Variants in SNRPD1 observed in about 807,000 individuals in gnomAD.
SNRPD1 encodes the protein small nuclear ribonucleoprotein Sm D1.
SNRPD1 carries 1 observed loss-of-function variant against 14.4 expected under a neutral mutation model. That is an observed-to-expected ratio of 0.07 (90% CI 0.02 to 0.33). The LOEUF (loss-of-function observed/expected upper bound fraction) is 0.33. SNRPD1 is among the 10% of genes least tolerant of loss of function. SNRPD1 has a pLI of 1.00. For missense variants in SNRPD1, 52 were observed against 146.4 expected, an observed-to-expected ratio of 0.36 and a Z score of 3.33; for synonymous variants, 42 against 50.3, an observed-to-expected ratio of 0.83 and a Z score of 0.70.
At position 21,632,240 on chromosome 18, in the gene SNRPD1, C is replaced by CA. The variant is rs2039089696; in HGVS notation, c.*3103dup. 6.6e-6 allele frequency: 1 copy of CA among 152,040 alleles called. No individual in the cohort carries two copies. The highest frequency in any genetic ancestry group is 2.1e-4 in the South Asian group (1 of 4,828). 9.4% of individuals were successfully genotyped at this position (152,040 alleles called of 1,614,324 possible). On this transcript the variant is annotated 3_prime_UTR_variant, in exon 4 of 4. Transcript: ENST00000300413. Reference sequence around the variant, plus strand: ...CTTTGGGAGGCCGAGATGGGCGAATCACTTGAGGTCAGGAGTTCGAGACCA... The same window carrying CA: ...CTTTGGGAGGCCGAGATGGGCGAATCAACTTGAGGTCAGGAGTTCGAGACCA...
intron 1 of SNRPD1, among the ~76,000 whole-genome samples, chr18:21,617,460 A>G (rs1047468506): frequency 2.0e-5 from 3 of 152,172 alleles, no homozygotes; most frequent in Non-Finnish European, 2.9e-5. Flanking sequence ...TTTAACTTGT[A>G]TATGTACTGC....
intron 1 of SNRPD1, among the ~76,000 whole-genome samples, chr18:21,613,745 C>G (rs796316813): frequency 2.7e-5 from 4 of 149,838 alleles, no homozygotes; most frequent in African/African-American, 9.8e-5. Flanking sequence ...ATCCCAGCTA[C>G]TCAGGAGGCT....
intron 1 of SNRPD1, among the ~76,000 whole-genome samples, chr18:21,616,622 C>T (rs1220582757): frequency 6.6e-6 from 1 of 151,834 alleles, no homozygotes; most frequent in Non-Finnish European, 1.5e-5. Flanking sequence ...TCCCAAAGTA[C>T]TGGGATTACA....
chr18:21,626,084 A>G (rs1598494250), intron 3 of SNRPD1, among the ~76,000 whole-genome samples: 1 of 152,154 alleles, frequency 6.6e-6, no homozygotes, highest in African/African-American at 2.4e-5. Flanking sequence ...CACATTTAAA[A>G]TAGTACGGTT....
At chr18:21,628,982 T>C (rs529100036) in intron 3 of SNRPD1, 80 bp from the exon 4 acceptor site, 5 of 984,756 alleles carry the variant, frequency 5.1e-6, no homozygotes, top group Admixed American at 3.4e-5. Context: ...GAAAGGTGTG[T>C]GTGTAAATGT....
rs1598496385 is a variant in SNRPD1, at chr18:21,632,245, G to A, written c.*3107G>A. ...GGAGGCCGAGATGGGCGAATCACTT[G>A]AGGTCAGGAGTTCGAGACCAGCCTG... is the stretch of plus-strand genomic sequence containing the variant. On this transcript the variant is annotated 3_prime_UTR_variant, in exon 4 of 4. Transcript: ENST00000300413. 6.6e-6 allele frequency: 1 copy of A among 152,094 alleles called. No homozygotes were observed. The allele number at this position is 152,094 out of a possible 1,614,324, so 9.4% of individuals were successfully genotyped here. A position where few individuals can be genotyped will look rare whatever the true frequency, so the allele number is the denominator to read the frequency against.
At chr18:21,612,782 A>G (rs565647595) in intron 1 of SNRPD1, among the ~76,000 whole-genome samples, 2 of 152,398 alleles carry the variant, frequency 1.3e-5, no homozygotes, top group Admixed American at 6.5e-5. Flanking sequence ...CCTGCTTAAC[A>G]GTACTTAGAA....
chr18:21,617,209 C>A (rs2038964132), intron 1 of SNRPD1, among the ~76,000 whole-genome samples: 1 of 151,926 alleles, frequency 6.6e-6, no homozygotes, highest in South Asian at 2.1e-4. Flanking sequence ...AATCCCAGCA[C>A]TTTTCGGAAT....
rs2039067083 is a variant in SNRPD1 at position 21,629,773 on chromosome 18, C to CT, written c.*637dup. On this transcript the variant is annotated 3_prime_UTR_variant, in exon 4 of 4. Transcript: ENST00000300413. ...ATATGTAAAGAGACTTTAGGCTAAACTTAACAATATATATAGGATATATAC... is the reference window on the plus strand; with the variant it reads ...ATATGTAAAGAGACTTTAGGCTAAACTTTAACAATATATATAGGATATATAC... The CT allele has an allele frequency of 6.6e-6, 1 of 152,386 alleles. No homozygotes were observed. Among genetic ancestry groups the CT allele is most frequent in the African/African-American group, 2.4e-5 (1 of 41,464 alleles). 9.4% of individuals were successfully genotyped at this position (152,386 alleles called of 1,614,324 possible).
Position 21,630,065 on chromosome 18 carries a change from G to A in SNRPD1, c.*927G>A, listed in dbSNP as rs1024716241. The A allele has an allele frequency of 3.9e-5, 6 of 152,024 alleles. No homozygotes were observed. Among genetic ancestry groups the A allele is most frequent in the Non-Finnish European group, 1.5e-5 (1 of 68,012 alleles). The allele number at this position is 152,024 out of a possible 1,614,324, so 9.4% of individuals were successfully genotyped here. On this transcript the variant is annotated 3_prime_UTR_variant, in exon 4 of 4. Coordinates refer to ENST00000300413, the MANE Select transcript of SNRPD1 (RefSeq NM_006938.4). The stretch of plus-strand genomic sequence containing the variant: ...TTTTGTTTCTTTTGCTTTTTAATCA[G>A]TTCTTAATAGGATATAGTTTTATGT...
At position 21,629,048 on chromosome 18, in the gene SNRPD1, T is replaced by C. The variant is rs200696765; in HGVS notation, c.284-14T>C. 6.2e-7 allele frequency: 1 copy of C among 1,612,618 alleles called. No homozygotes were observed. Among genetic ancestry groups the C allele is most frequent in the Non-Finnish European group, 8.5e-7 (1 of 1,178,628 alleles). On this transcript the variant is annotated splice_polypyrimidine_tract_variant and intron_variant, in intron 3 of 3. Coordinates refer to ENST00000300413, the MANE Select transcript of SNRPD1 (RefSeq NM_006938.4). ...GGAGAGAATTGAACTTGGTTTGTTTTTCTTTTCCTTCAGTTGCAGGAAGAG... is the reference window on the plus strand; with the variant it reads ...GGAGAGAATTGAACTTGGTTTGTTTCTCTTTTCCTTCAGTTGCAGGAAGAG...
intron 3 of SNRPD1, among the ~76,000 whole-genome samples, chr18:21,626,420 A>G (rs1023341494): frequency 6.6e-6 from 1 of 150,424 alleles, no homozygotes; most frequent in African/African-American, 2.4e-5. Flanking sequence ...AAAAAAGGAA[A>G]CTACAACAAA....
At chr18:21,617,825 A>G (rs780512246) in intron 1 of SNRPD1, among the ~76,000 whole-genome samples, 3 of 152,160 alleles carry the variant, frequency 2.0e-5, no homozygotes, top group Non-Finnish European at 4.4e-5. Flanking sequence ...CTAAAAATAC[A>G]AAAATTAGCT....
chr18:21,614,857 A>G (rs1203594717), intron 1 of SNRPD1, among the ~76,000 whole-genome samples: 1 of 152,220 alleles, frequency 6.6e-6, no homozygotes. Context: ...TCCTGGGCTC[A>G]GTTAGGGAGG....
intron 1 of SNRPD1, among the ~76,000 whole-genome samples, chr18:21,619,219 G>A (rs2038979603): frequency 6.6e-6 from 1 of 152,012 alleles, no homozygotes; most frequent in Non-Finnish European, 1.5e-5. Context: ...TCACTCTATT[G>A]TCCAGGCTGG....
At position 21,625,565 on chromosome 18, in the gene SNRPD1, C is replaced by T. The variant is rs113676660; in HGVS notation, c.283+1626C>T. ...CCCTGACCTCAAGTGATCCACCCGC[C>T]TCGGCCTTCCAAAGTGCTGGGATTA... On this transcript the variant is annotated intron_variant, in intron 3 of 3. Coordinates refer to ENST00000300413, the MANE Select transcript of SNRPD1 (RefSeq NM_006938.4). 8.0e-3 allele frequency among the ~76,000 whole-genome samples: 1,218 copies of T among 152,096 alleles called. 20 individuals are homozygous for T. The highest frequency in any genetic ancestry group is 0.028 in the African/African-American group (1,173 of 41,450).
At chr18:21,624,310 C>T (rs1307431496) in intron 3 of SNRPD1, among the ~76,000 whole-genome samples, 3 of 146,580 alleles carry the variant, frequency 2.0e-5, no homozygotes, top group East Asian at 2.1e-4. Flanking sequence ...ACCCAGTAGG[C>T]GGAGGTTGCA....
rs144535160 is a variant in SNRPD1, at chr18:21,625,803, G to A, written c.283+1864G>A. ...TTTTTTGTATTTTTAGTAGAGACGGGGTTTCACCGTGTTAGCCAAGCGGTC... is the reference window on the plus strand; with the variant it reads ...TTTTTTGTATTTTTAGTAGAGACGGAGTTTCACCGTGTTAGCCAAGCGGTC... On this transcript the variant is annotated intron_variant, in intron 3 of 3. Transcript: ENST00000300413. Among the ~76,000 whole-genome samples, 990 of 151,958 alleles carry A rather than the reference G, an allele frequency of 6.5e-3. 3 individuals carry two copies. The highest frequency in any genetic ancestry group is 0.011 in the Non-Finnish European group (767 of 67,976).
intron 1 of SNRPD1, 89 bp downstream of exon 1, chr18:21,612,532 C>T (rs577251787): frequency 5.8e-6 from 6 of 1,033,688 alleles, no homozygotes; most frequent in Admixed American, 2.8e-5. Context: ...TTGCAGGAGG[C>T]GGGAAAGCCG....
Sources: gnomAD v4.1 joint callset for allele counts (sites outside exome capture counted in the v4.1 genomes callset) on GRCh38, gnomAD v4.1.1 for gene constraint, MANE v1.5 for transcripts, NCBI Gene and HGNC (gene_info 2026-07-23, HGNC 2026-07-21) for gene names.